Variants in CLCN3 observed in about 807,000 individuals in gnomAD.
The protein encoded by CLCN3 is Cl-/H+ antiporter 3.
CLCN3 carries 16 observed loss-of-function variants against 83.4 expected under a neutral mutation model. The ratio of observed to expected loss-of-function variants is 0.19; its 90% CI spans 0.13 to 0.29. The LOEUF is 0.29. Among genes scored for constraint, CLCN3 ranks in the 10% least tolerant of loss-of-function variants. CLCN3 has a pLI of 1.00. For missense variants in CLCN3, 544 were observed against 1,006.0 expected (o/e 0.54, Z 6.21); for synonymous variants, 322 against 346.2 (o/e 0.93, Z 0.78).
In CLCN3 at chr4:169,660,230, G is replaced by A. The variant is rs905931534; in HGVS notation, c.161-19820G>A. ...TGTGGAAGAACCCAGTTGCTTCAGC[G>A]AGTCGAACTACAGTTTTAACCTCAT... On this transcript the variant is annotated intron_variant, in intron 2 of 12. Coordinates refer to ENST00000513761, the MANE Select transcript of CLCN3 (RefSeq NM_001829.4). The A allele has an allele frequency of 4.1e-6, 5 of 1,210,222 alleles. No homozygotes were observed. In the African/African-American group the frequency reaches 4.7e-5, roughly 11 times the overall value. The allele number at this position is 1,210,222 out of a possible 1,614,324, so 75.0% of individuals were successfully genotyped here.
intron 7 of CLCN3, among the ~76,000 whole-genome samples, chr4:169,695,081 A>G (rs1202123703): frequency 2.0e-5 from 3 of 152,160 alleles, no homozygotes; most frequent in Non-Finnish European, 2.9e-5. Flanking sequence ...GTGTGCTTTC[A>G]GAATGAGGCT....
intron 2 of CLCN3, among the ~76,000 whole-genome samples, chr4:169,653,213 G>A (rs940419226): frequency 4.6e-5 from 7 of 151,960 alleles, no homozygotes; most frequent in Non-Finnish European, 8.8e-5. Flanking sequence ...ACATTTAGTT[G>A]TGTAGTCATC....
chr4:169,696,067 G>A (rs1414369313), intron 8 of CLCN3, among the ~76,000 whole-genome samples: 1 of 151,868 alleles, frequency 6.6e-6, no homozygotes, highest in Non-Finnish European at 1.5e-5. Flanking sequence ...CTGTTTTTTT[G>A]TGGGGTTTTT....
intron 1 of CLCN3, among the ~76,000 whole-genome samples, chr4:169,635,590 C>T (rs1316495345): frequency 6.6e-6 from 1 of 152,136 alleles, no homozygotes; most frequent in African/African-American, 2.4e-5. Context: ...CCATCTTGTT[C>T]CCTACCCTTT....
At chr4:169,659,897 A>G (rs962699239) in intron 2 of CLCN3, among the ~76,000 whole-genome samples, 4 of 152,298 alleles carry the variant, frequency 2.6e-5, no homozygotes, top group Middle Eastern at 3.4e-3. Flanking sequence ...TTAGAAATGA[A>G]AAAGGGCATT....
chr4:169,723,100 C>T lies in CLCN3; in HGVS notation c.*3103C>T, dbSNP rs1288991139. ...CTGTATTTATCTGTTTTTATTTATA[C>T]TAGTGTAGTAAAGCTGCATATCATT... On this transcript the variant is annotated 3_prime_UTR_variant, in exon 13 of 13. Coordinates refer to ENST00000513761, the MANE Select transcript of CLCN3 (RefSeq NM_001829.4). The T allele has an allele frequency of 1.3e-5, 2 of 152,124 alleles. No individual in the cohort carries two copies. Among genetic ancestry groups the T allele is most frequent in the African/African-American group, 4.8e-5 (2 of 41,420 alleles). 9.4% of individuals were successfully genotyped at this position (152,124 alleles called of 1,614,324 possible). A position where few individuals can be genotyped will look rare whatever the true frequency, so the allele number is the denominator to read the frequency against.
chr4:169,695,328 A>G (rs1322166185), intron 7 of CLCN3, among the ~76,000 whole-genome samples: 14 of 152,162 alleles, frequency 9.2e-5, no homozygotes, highest in Admixed American at 1.3e-4. Context: ...AAAATTGTCT[A>G]TATTCATTGC....
intron 2 of CLCN3, among the ~76,000 whole-genome samples, chr4:169,675,922 A>C (rs1195487110): frequency 6.6e-6 from 1 of 152,158 alleles, no homozygotes; most frequent in Non-Finnish European, 1.5e-5. Context: ...CTCTATTTTC[A>C]TAGCTGTCTC....
intron 11 of CLCN3, among the ~76,000 whole-genome samples, chr4:169,709,018 T>G (rs1733096780): frequency 6.7e-6 from 1 of 148,236 alleles, no homozygotes; most frequent in South Asian, 2.1e-4. Context: ...TTCTATATCC[T>G]CTATAAAAAA....
intron 2 of CLCN3, among the ~76,000 whole-genome samples, chr4:169,640,903 G>A (rs985656436): frequency 1.3e-5 from 2 of 152,154 alleles, no homozygotes; most frequent in African/African-American, 2.4e-5. Context: ...TGTTGATAAC[G>A]TGATTATGCT....
chr4:169,666,391 C>T (rs955258277), intron 2 of CLCN3, among the ~76,000 whole-genome samples: 1 of 152,116 alleles, frequency 6.6e-6, no homozygotes. Context: ...CATAAGATGT[C>T]GGGAACAACT....
intron 9 of CLCN3, among the ~76,000 whole-genome samples, chr4:169,703,686 T>A (rs1447460584): frequency 6.6e-6 from 1 of 151,824 alleles, no homozygotes; most frequent in African/African-American, 2.4e-5. Context: ...TTTTTTTTTT[T>A]TCATTTCACC....
At chr4:169,715,638 G>A (rs906242550) in intron 12 of CLCN3, among the ~76,000 whole-genome samples, 2 of 152,062 alleles carry the variant, frequency 1.3e-5, no homozygotes, top group African/African-American at 4.8e-5. Context: ...TTATTTGGAG[G>A]AAGATAACAA....
intron 12 of CLCN3, among the ~76,000 whole-genome samples, chr4:169,719,693 T>C: frequency 6.6e-6 from 1 of 151,828 alleles, no homozygotes; most frequent in Admixed American, 6.6e-5. Flanking sequence ...GTGGAAAGGC[T>C]GTCATACTAT....
intron 2 of CLCN3, among the ~76,000 whole-genome samples, chr4:169,637,937 G>A (rs1730276366): frequency 6.6e-6 from 1 of 151,984 alleles, no homozygotes; most frequent in Non-Finnish European, 1.5e-5. Context: ...ACTTTCTACT[G>A]TGTTACATTG....
chr4:169,679,064 G>C (rs1240044199), intron 2 of CLCN3, among the ~76,000 whole-genome samples: 1 of 151,656 alleles, frequency 6.6e-6, no homozygotes, highest in Non-Finnish European at 1.5e-5. Context: ...AGACTGGGTG[G>C]CCGGGCGGAG....
intron 12 of CLCN3, among the ~76,000 whole-genome samples, chr4:169,718,523 T>G (rs1001052533): frequency 2.6e-5 from 4 of 152,220 alleles, no homozygotes; most frequent in Admixed American, 1.3e-4. Flanking sequence ...TGTGCCCCTT[T>G]TGTATGATGT....
Position 169,626,651 on chromosome 4 carries a change from T to C in CLCN3, c.-17+5588T>C, listed in dbSNP as rs180823849. 4.0e-3 allele frequency among the ~76,000 whole-genome samples: 611 copies of C among 152,282 alleles called. 2 individuals are homozygous for C. The highest frequency in any genetic ancestry group is 0.017 in the Middle Eastern group (5 of 294). ...GTCAGCAAGAGAAGAGATTCTGTTT[T>C]CTGAGGTTTAATGTGCCCCAACATT... is the stretch of plus-strand genomic sequence containing the variant. On this transcript the variant is annotated intron_variant, in intron 1 of 12. Coordinates refer to ENST00000513761, the MANE Select transcript of CLCN3 (RefSeq NM_001829.4).
At chr4:169,632,075 A>T (rs1446989323) in intron 1 of CLCN3, among the ~76,000 whole-genome samples, 1 of 152,176 alleles carries the variant, frequency 6.6e-6, no homozygotes, top group East Asian at 1.9e-4. Context: ...CTTCACCCCG[A>T]TACCAAAACC....
Sources: gnomAD v4.1 joint callset for allele counts (sites outside exome capture counted in the v4.1 genomes callset) on GRCh38, gnomAD v4.1.1 for gene constraint, MANE v1.5 for transcripts, NCBI Gene and HGNC (gene_info 2026-07-23, HGNC 2026-07-21) for gene names.